SLC5A10: variants seen among roughly 807,000 people sequenced by gnomAD.
The protein encoded by SLC5A10 is sodium/mannose cotransporter SLC5A10.
Under a neutral mutation model 68.9 loss-of-function variants are expected in SLC5A10, and 55 were observed. That is an observed-to-expected ratio of 0.80 (90% CI 0.64 to 1.00). The LOEUF (loss-of-function observed/expected upper bound fraction) is 1.00. SLC5A10 is among the 50% of genes least tolerant of loss of function. The pLI is 0.00. For synonymous variants in SLC5A10, 344 were observed against 344.8 expected, an observed-to-expected ratio of 1.00 and a Z score of 0.02; for missense variants, 732 against 819.3, an observed-to-expected ratio of 0.89 and a Z score of 1.30.
intron 5 of SLC5A10, among the ~76,000 whole-genome samples, chr17:18,961,607 G>A (rs1257027838): frequency 6.6e-6 from 1 of 152,234 alleles, no homozygotes; most frequent in Non-Finnish European, 1.5e-5. Context: ...CCTGGGACTA[G>A]GAAAGCCCAG....
At chr17:19,013,309 T>C (rs887428883) in intron 9 of SLC5A10, 101 bp from the exon 10 acceptor site, 60 of 1,543,614 alleles carry the variant, frequency 3.9e-5, no homozygotes, top group Non-Finnish European at 5.0e-5. Flanking sequence ...GAGGCATTGA[T>C]GGAGCAGGTC....
intron 9 of SLC5A10, among the ~76,000 whole-genome samples, chr17:18,992,284 C>T (rs2043446547): frequency 6.6e-6 from 1 of 152,140 alleles, no homozygotes; most frequent in African/African-American, 2.4e-5. Flanking sequence ...GGGACATCCG[C>T]CTCCATGTGA....
chr17:19,005,125 A>G (rs1389973989), intron 9 of SLC5A10, among the ~76,000 whole-genome samples: 1 of 151,924 alleles, frequency 6.6e-6, no homozygotes, highest in African/African-American at 2.4e-5. Flanking sequence ...GGCTGTATAG[A>G]TACCCAGCTG....
At chr17:18,959,506 A>G (rs1444507214) in intron 3 of SLC5A10, 98 bp from the exon 4 acceptor site, 2 of 1,349,974 alleles carry the variant, frequency 1.5e-6, no homozygotes, top group Non-Finnish European at 2.1e-6. Context: ...GGGGGAAGCC[A>G]GGCCTCCGGA....
In SLC5A10 at chr17:18,976,846, AC is replaced by A. The variant is rs1169681897; in HGVS notation, c.847-3del. On this transcript the variant is annotated splice_region_variant and splice_polypyrimidine_tract_variant and intron_variant, in intron 8 of 14. Transcript: ENST00000395645. ...TTGGACTCACCCCGTCTCGCACTCC[AC>A]CCCCAGGTCATCGTGCAGCGATCAC... is the stretch of plus-strand genomic sequence containing the variant. 6.2e-7 allele frequency: 1 copy of A among 1,612,124 alleles called. No individual in the cohort carries two copies. Among genetic ancestry groups the A allele is most frequent in the Non-Finnish European group, 8.5e-7 (1 of 1,179,818 alleles).
intron 9 of SLC5A10, chr17:18,988,454 C>T (rs756664441): frequency 1.9e-6 from 3 of 1,603,088 alleles, no homozygotes; most frequent in Non-Finnish European, 2.6e-6. Context: ...TCAGACAGTG[C>T]AGCAGTGGGG....
At chr17:18,979,736 A>T in intron 9 of SLC5A10, 1 of 1,592,958 alleles carries the variant, frequency 6.3e-7, no homozygotes, top group Non-Finnish European at 8.6e-7. Context: ...GGGCGAGGGG[A>T]GGACGGCAGC....
chr17:18,959,369 T>G (rs909660019), intron 3 of SLC5A10, 130 bp downstream of exon 3: 5 of 1,015,934 alleles, frequency 4.9e-6, no homozygotes, highest in Non-Finnish European at 7.3e-6. Context: ...GTGCTGTTCC[T>G]GGGCCAAATC....
intron 9 of SLC5A10, among the ~76,000 whole-genome samples, chr17:19,009,081 A>C (rs1201631884): frequency 6.6e-6 from 1 of 150,498 alleles, no homozygotes; most frequent in African/African-American, 2.4e-5. Flanking sequence ...CCAAAGTGCT[A>C]GGATTACAGG....
chr17:18,965,254 G>A (rs1441851396), intron 5 of SLC5A10, among the ~76,000 whole-genome samples: 1 of 152,118 alleles, frequency 6.6e-6, no homozygotes, highest in East Asian at 1.9e-4. Context: ...AGCAGTGGCC[G>A]GTGGGTCAGA....
chr17:18,972,315 G>C (rs1274821087), intron 8 of SLC5A10, among the ~76,000 whole-genome samples: 1 of 152,218 alleles, frequency 6.6e-6, no homozygotes, highest in Non-Finnish European at 1.5e-5. Flanking sequence ...GTCCACCATA[G>C]GACAAGGCAG....
chr17:19,019,112 T>C, intron 11 of SLC5A10: 1 of 353,468 alleles, frequency 2.8e-6, no homozygotes, highest in South Asian at 6.1e-5. Context: ...ACAGGTGCTT[T>C]GAAGGAGAGA....
At chr17:18,952,141 C>A, upstream of SLC5A10, 1 of 1,552,658 alleles carries the variant, frequency 6.4e-7, no homozygotes, top group Non-Finnish European at 8.7e-7. Context: ...GCCAGGAAAC[C>A]CTTTCTGACC....
In SLC5A10 at chr17:19,017,225, A is replaced by T; in HGVS notation, c.1241+2026A>T. 1 of 1,456,918 alleles carries T rather than the reference A, an allele frequency of 6.9e-7. No homozygotes were observed. Among genetic ancestry groups the T allele is most frequent in the Non-Finnish European group, 9.4e-7 (1 of 1,062,180 alleles). 90.2% of individuals were successfully genotyped at this position (1,456,918 alleles called of 1,614,324 possible). ...CTCTCAGCTGCCAGCTGGATAGAGC[A>T]GAAAGGGCCCCGTGCCAGGTGTCAG... On this transcript the variant is annotated intron_variant, in intron 11 of 14. Coordinates refer to ENST00000395645, the MANE Select transcript of SLC5A10 (RefSeq NM_001042450.4). This position sits in a 1 kb window ranked among gnomAD's most constrained non-coding sequence, Gnocchi z 5.6.
chr17:18,964,795 C>G (rs116717836), intron 5 of SLC5A10, among the ~76,000 whole-genome samples: 3,047 of 152,272 alleles, frequency 0.02, 109 homozygotes, highest in African/African-American at 0.07. Context: ...CACGCAGAGC[C>G]TCTGGGCAGG....
intron 11 of SLC5A10, among the ~76,000 whole-genome samples, chr17:19,016,294 C>T (rs549948107): frequency 5.3e-5 from 8 of 152,264 alleles, no homozygotes; most frequent in African/African-American, 1.9e-4. Context: ...TATTCATCCA[C>T]CTCAGCGGGC....
Position 18,971,680 on chromosome 17 carries a change from G to T in SLC5A10, c.846+462G>T, listed in dbSNP as rs1466028279. On this transcript the variant is annotated intron_variant, in intron 8 of 14. Transcript: ENST00000395645. The surrounding 1 kb of genome is among the most constrained non-coding windows in gnomAD (Gnocchi z 5.5). ...TGTCAGCAGCAGAGCGGTACCTAGG[G>T]GGTCCTGGGAAGCCGTCTTTATCCC... The T allele has an allele frequency of 6.2e-7, 1 of 1,610,334 alleles. No individual in the cohort carries two copies. Among genetic ancestry groups the T allele is most frequent in the Non-Finnish European group, 8.5e-7 (1 of 1,177,742 alleles).
At chr17:19,016,689 C>T (rs145155781) in intron 11 of SLC5A10, among the ~76,000 whole-genome samples, 44 of 152,302 alleles carry the variant, frequency 2.9e-4, no homozygotes, top group Non-Finnish European at 5.6e-4. Context: ...GAGCCTCCCA[C>T]CTCTCACTGG....
intron 9 of SLC5A10, among the ~76,000 whole-genome samples, chr17:18,981,385 C>T (rs893470018): frequency 6.6e-6 from 1 of 152,314 alleles, no homozygotes; most frequent in Non-Finnish European, 1.5e-5. Flanking sequence ...AGACCCTGCA[C>T]CGGCTTAAGA....
Sources: gnomAD v4.1 joint callset for allele counts (sites outside exome capture counted in the v4.1 genomes callset) on GRCh38, gnomAD v4.1.1 for gene constraint, Gnocchi (gnomAD v3.1) non-coding constraint, MANE v1.5 for transcripts, NCBI Gene and HGNC (gene_info 2026-07-23, HGNC 2026-07-21) for gene names.